Variants in PAIP2B observed in about 807,000 individuals in gnomAD.
The protein encoded by PAIP2B is polyadenylate-binding protein-interacting protein 2B.
In PAIP2B, 13 loss-of-function variants were observed where a neutral mutation model predicts 17.0. That is an observed-to-expected ratio of 0.76 (90% CI 0.50 to 1.22). PAIP2B has a LOEUF of 1.22. Among genes scored for constraint, PAIP2B ranks in the 50% most tolerant of loss-of-function variants. The pLI, the probability that PAIP2B is intolerant of heterozygous loss-of-function variation, is 0.00. For synonymous variants in PAIP2B, 43 were observed against 48.7 expected (o/e 0.88, Z 0.48); for missense variants, 117 against 144.5 (o/e 0.81, Z 0.98).
Position 71,208,012 on chromosome 2 carries a change from C to A in PAIP2B, c.-11-5412G>T, listed in dbSNP as rs538509511. Among the ~76,000 whole-genome samples the A allele has an allele frequency of 2.0e-5, 3 of 152,032 alleles. 1 individual carries two copies. In the South Asian group the frequency reaches 6.3e-4, roughly 32 times the overall value. ...CCTAAATATAGGAAGTTGGAGTAGTCGTTTATATAAATGGTAACTGAAGTC... is the reference window on the plus strand; with the variant it reads ...CCTAAATATAGGAAGTTGGAGTAGTAGTTTATATAAATGGTAACTGAAGTC... On this transcript the variant is annotated intron_variant, in intron 1 of 3. Transcript: ENST00000244221.
chr2:71,201,766 C>T lies in PAIP2B; in HGVS notation c.138+686G>A, dbSNP rs528585790. Reference sequence around the variant, plus strand: ...ATAAGCAAGTGAAAGCAACAAACTACAAAGTATAGAAAAACAACCTCACTA... The same window carrying T: ...ATAAGCAAGTGAAAGCAACAAACTATAAAGTATAGAAAAACAACCTCACTA... On this transcript the variant is annotated intron_variant, in intron 2 of 3. Coordinates refer to ENST00000244221, the MANE Select transcript of PAIP2B (RefSeq NM_020459.1). Among the ~76,000 whole-genome samples, 11 of 152,254 alleles carry T rather than the reference C, an allele frequency of 7.2e-5. No homozygotes were observed. In the South Asian group the frequency reaches 2.3e-3, roughly 32 times the overall value.
At chr2:71,196,831 G>A (rs192274573) in intron 2 of PAIP2B, among the ~76,000 whole-genome samples, 15 of 152,154 alleles carry the variant, frequency 9.9e-5, no homozygotes, top group Admixed American at 9.2e-4. Context: ...AATTAGGATT[G>A]CAACCCCTGC....
chr2:71,201,773 T>C (rs898557215), intron 2 of PAIP2B, among the ~76,000 whole-genome samples: 1 of 152,210 alleles, frequency 6.6e-6, no homozygotes, highest in South Asian at 2.1e-4. Context: ...CTACAAAGTA[T>C]AGAAAAACAA....
At chr2:71,222,779 CAA>C (rs899973831) in intron 1 of PAIP2B, among the ~76,000 whole-genome samples, 2 of 152,196 alleles carry the variant, frequency 1.3e-5, no homozygotes, top group African/African-American at 4.8e-5. Flanking sequence ...AACCAGAATT[CAA>C]AGACCCAGGT....
chr2:71,195,090 TG>T (rs1440241066), intron 2 of PAIP2B, among the ~76,000 whole-genome samples: 2 of 152,178 alleles, frequency 1.3e-5, no homozygotes, highest in East Asian at 3.9e-4. Flanking sequence ...ACTTAATCAT[TG>T]TGGATTAGCT....
intron 1 of PAIP2B, among the ~76,000 whole-genome samples, chr2:71,226,253 C>A (rs996172559): frequency 1.3e-5 from 2 of 152,202 alleles, no homozygotes; most frequent in African/African-American, 2.4e-5. Context: ...TCTCAGTTCA[C>A]CTTCCAGCTG....
At chr2:71,219,692 T>C (rs1474981500) in intron 1 of PAIP2B, among the ~76,000 whole-genome samples, 2 of 152,064 alleles carry the variant, frequency 1.3e-5, no homozygotes, top group Non-Finnish European at 2.9e-5. Context: ...ATTCCTTCAT[T>C]CACTTATTTT....
In PAIP2B at chr2:71,187,644, C is replaced by CCTAA. The variant is rs1674572443; in HGVS notation, c.*834_*835insTTAG. The CCTAA allele has an allele frequency of 6.6e-6, 1 of 152,168 alleles. No individual in the cohort carries two copies. The highest frequency in any genetic ancestry group is 1.5e-5 in the Non-Finnish European group (1 of 68,036). 9.4% of individuals were successfully genotyped at this position (152,168 alleles called of 1,614,324 possible). On this transcript the variant is annotated 3_prime_UTR_variant, in exon 4 of 4. Transcript: ENST00000244221. ...CTAATTGCCAGCACAGCAGGCCTCC[C>CCTAA]CTATGCCTTTGGTAGCAGTATCTTT...
chr2:71,215,862 T>C (rs1326023446), intron 1 of PAIP2B, among the ~76,000 whole-genome samples: 1 of 152,242 alleles, frequency 6.6e-6, no homozygotes, highest in African/African-American at 2.4e-5. Flanking sequence ...TATCTATGTG[T>C]GTGTGTATCT....
At chr2:71,207,575 T>C (rs1260585392) in intron 1 of PAIP2B, among the ~76,000 whole-genome samples, 1 of 151,986 alleles carries the variant, frequency 6.6e-6, no homozygotes, top group African/African-American at 2.4e-5. Flanking sequence ...ATGTGGAAAA[T>C]GGATTGCAGA....
chr2:71,193,581 G>A (rs2103760767), intron 2 of PAIP2B, among the ~76,000 whole-genome samples: 2 of 152,300 alleles, frequency 1.3e-5, no homozygotes, highest in East Asian at 3.9e-4. Context: ...TTAGCCAGGT[G>A]CAGTGGCTCC....
intron 1 of PAIP2B, among the ~76,000 whole-genome samples, chr2:71,219,184 C>A (rs1675513760): frequency 1.3e-5 from 2 of 150,986 alleles, no homozygotes; most frequent in Non-Finnish European, 2.9e-5. Context: ...CCCACCTTGG[C>A]CTCCCAAAGT....
Position 71,188,397 on chromosome 2 carries a change from T to TC in PAIP2B, c.*81dup. On this transcript the variant is annotated 3_prime_UTR_variant, in exon 4 of 4. Coordinates refer to ENST00000244221, the MANE Select transcript of PAIP2B (RefSeq NM_020459.1). Reference sequence around the variant, plus strand: ...CGCTGTGCACCCCTCGCCCGCCCCATCCCCCTCTTCAGCTCCACCATTTTG... The same window carrying TC: ...CGCTGTGCACCCCTCGCCCGCCCCATCCCCCCTCTTCAGCTCCACCATTTTG... The TC allele has an allele frequency of 1.4e-6, 1 of 697,952 alleles. No individual in the cohort carries two copies. Among genetic ancestry groups the TC allele is most frequent in the Admixed American group, 2.3e-5 (1 of 43,274 alleles). 43.2% of individuals were successfully genotyped at this position (697,952 alleles called of 1,614,324 possible). A position where few individuals can be genotyped will look rare whatever the true frequency, so the allele number is the denominator to read the frequency against.
At chr2:71,226,697 C>T (rs951881877) in intron 1 of PAIP2B, among the ~76,000 whole-genome samples, 5 of 152,184 alleles carry the variant, frequency 3.3e-5, no homozygotes, top group African/African-American at 1.2e-4. Flanking sequence ...GGGACGAAAA[C>T]CCCCTATTGC....
intron 2 of PAIP2B, among the ~76,000 whole-genome samples, chr2:71,197,525 T>A (rs1039966840): frequency 3.3e-5 from 5 of 152,194 alleles, no homozygotes; most frequent in Non-Finnish European, 7.3e-5. Context: ...TTGCAGGAGT[T>A]CTCTGTATTT....
intron 1 of PAIP2B, among the ~76,000 whole-genome samples, chr2:71,204,078 A>G (rs1227149914): frequency 2.0e-5 from 3 of 151,990 alleles, no homozygotes; most frequent in African/African-American, 4.8e-5. Flanking sequence ...TTGTTGTTTG[A>G]TATGCATAAT....
At chr2:71,225,809 G>A (rs1675706553) in intron 1 of PAIP2B, among the ~76,000 whole-genome samples, 1 of 152,160 alleles carries the variant, frequency 6.6e-6, no homozygotes, top group South Asian at 2.1e-4. Context: ...GAAACCAAAC[G>A]AATATACTAT....
intron 1 of PAIP2B, among the ~76,000 whole-genome samples, chr2:71,205,158 A>G (rs11692793): frequency 0.067 from 10,132 of 152,268 alleles, 373 homozygotes; most frequent in African/African-American, 0.092. Context: ...GGGAATTACC[A>G]TAAAATCTAC....
intron 1 of PAIP2B, among the ~76,000 whole-genome samples, chr2:71,214,050 A>G (rs1010319306): frequency 6.6e-6 from 1 of 152,220 alleles, no homozygotes; most frequent in South Asian, 2.1e-4. Context: ...TATGATGTCC[A>G]GACTGGACTT....
Sources: allele counts gnomAD v4.1 joint callset (sites outside exome capture counted in the v4.1 genomes callset), GRCh38; gene constraint gnomAD v4.1.1; transcripts MANE v1.5; gene names NCBI Gene and HGNC (gene_info 2026-07-23, HGNC 2026-07-21).